The following PTGFR variants were observed in gnomAD, a reference collection of about 807,000 sequenced individuals.
PTGFR encodes prostaglandin F receptor, also known as prostaglandin F2-alpha receptor.
PTGFR carries 15 observed loss-of-function variants against 26.2 expected under a neutral mutation model. The observed-to-expected ratio is 0.57, with a 90% CI of 0.38 to 0.88. PTGFR has a LOEUF of 0.88. Ranked by LOEUF, PTGFR falls within the 40% of genes least tolerant of loss-of-function variation. The probability of loss-of-function intolerance (pLI) is 0.00; values close to 1 mark genes in which losing one functional copy is unlikely to be tolerated. For missense variants in PTGFR, 369 were observed against 427.2 expected, an observed-to-expected ratio of 0.86 and a Z score of 1.20; for synonymous variants, 165 against 151.1, an observed-to-expected ratio of 1.09 and a Z score of -0.68.
At chr1:78,520,147 T>C (rs1425352415) in intron 2 of PTGFR, among the ~76,000 whole-genome samples, 2 of 152,074 alleles carry the variant, frequency 1.3e-5, no homozygotes, top group Non-Finnish European at 2.9e-5. Context: ...TGCGCCATTC[T>C]GAGATAGGGG....
intron 2 of PTGFR, among the ~76,000 whole-genome samples, chr1:78,534,961 C>G (rs1462389953): frequency 6.6e-6 from 1 of 152,166 alleles, no homozygotes; most frequent in Non-Finnish European, 1.5e-5. Flanking sequence ...ATGATTAGTG[C>G]TTCTCCCAAG....
chr1:78,526,792 T>C (rs1288295950), intron 2 of PTGFR, among the ~76,000 whole-genome samples: 2 of 152,102 alleles, frequency 1.3e-5, no homozygotes, highest in East Asian at 3.9e-4. Flanking sequence ...GGCCCAATAG[T>C]GAGTCAAGGA....
At chr1:78,510,301 C>T (rs967264434) in intron 2 of PTGFR, among the ~76,000 whole-genome samples, 4 of 152,174 alleles carry the variant, frequency 2.6e-5, no homozygotes, top group African/African-American at 9.7e-5. Context: ...GCTCATGGTT[C>T]TGCAGGTTGT....
At chr1:78,507,416 A>C (rs190745728) in intron 2 of PTGFR, among the ~76,000 whole-genome samples, 1 of 152,160 alleles carries the variant, frequency 6.6e-6, no homozygotes, top group Non-Finnish European at 1.5e-5. Context: ...TTATTTGGCC[A>C]TACTGGAATG....
chr1:78,529,237 T>C (rs3766338), intron 2 of PTGFR, among the ~76,000 whole-genome samples: 9,245 of 152,240 alleles, frequency 0.061, 634 homozygotes, highest in East Asian at 0.29. Context: ...TAAAACGACG[T>C]TGCCAGTGGT....
chr1:78,529,808 G>A (rs1390154284), intron 2 of PTGFR, among the ~76,000 whole-genome samples: 1 of 152,182 alleles, frequency 6.6e-6, no homozygotes, highest in Non-Finnish European at 1.5e-5. Flanking sequence ...AGTGGCAGGT[G>A]AGCAAACATT....
chr1:78,534,356 G>A (rs1417236596), intron 2 of PTGFR, among the ~76,000 whole-genome samples: 1 of 152,056 alleles, frequency 6.6e-6, no homozygotes, highest in African/African-American at 2.4e-5. Flanking sequence ...TCCTTGTTCT[G>A]ACCCCAGCTC....
chr1:78,514,746 T>G (rs963170917), intron 2 of PTGFR, among the ~76,000 whole-genome samples: 1 of 152,062 alleles, frequency 6.6e-6, no homozygotes, highest in Non-Finnish European at 1.5e-5. Context: ...TGGTGAAAGG[T>G]GATTGAATTA....
At chr1:78,512,732 C>T (rs1011732340) in intron 2 of PTGFR, among the ~76,000 whole-genome samples, 2 of 152,178 alleles carry the variant, frequency 1.3e-5, no homozygotes, top group Non-Finnish European at 2.9e-5. Flanking sequence ...ATGTGATTCT[C>T]AGCATTAGAG....
chr1:78,518,915 C>T (rs1340141169), intron 2 of PTGFR, among the ~76,000 whole-genome samples: 1 of 152,092 alleles, frequency 6.6e-6, no homozygotes, highest in Admixed American at 6.6e-5. Context: ...TAGCTAACCT[C>T]AGTGAATTCT....
At chr1:78,511,044 AG>A (rs1649955750) in intron 2 of PTGFR, among the ~76,000 whole-genome samples, 2 of 152,208 alleles carry the variant, frequency 1.3e-5, no homozygotes, top group Non-Finnish European at 2.9e-5. Flanking sequence ...TTGGCTTTGC[AG>A]GGTGCAGCCA....
intron 2 of PTGFR, among the ~76,000 whole-genome samples, chr1:78,526,080 T>C (rs1263190529): frequency 1.3e-5 from 2 of 152,064 alleles, no homozygotes; most frequent in African/African-American, 4.8e-5. Context: ...ACTTACAGTA[T>C]GCCTTTAAAA....
At chr1:78,520,886 G>A (rs1650205990) in intron 2 of PTGFR, among the ~76,000 whole-genome samples, 1 of 151,968 alleles carries the variant, frequency 6.6e-6, no homozygotes, top group Admixed American at 6.6e-5. Context: ...GTTCCATGAG[G>A]GACTTTTAAC....
At chr1:78,494,560 A>C (rs927982395) in intron 2 of PTGFR, among the ~76,000 whole-genome samples, 1 of 152,204 alleles carries the variant, frequency 6.6e-6, no homozygotes, top group Non-Finnish European at 1.5e-5. Flanking sequence ...CCTAGGCTCC[A>C]AACAGGCTCA....
In PTGFR at chr1:78,505,411, C is replaced by A. The variant is rs547192102; in HGVS notation, c.798+11870C>A. Among the ~76,000 whole-genome samples the A allele has an allele frequency of 2.0e-5, 3 of 152,268 alleles. No homozygotes were observed. In the South Asian group the frequency reaches 6.2e-4, roughly 32 times the overall value. ...GTGCTGGGATTACAGGCATGAGCCACCACGCCTGGCCTATTCTAACTTTTA... is the reference window on the plus strand; with the variant it reads ...GTGCTGGGATTACAGGCATGAGCCAACACGCCTGGCCTATTCTAACTTTTA... On this transcript the variant is annotated intron_variant, in intron 2 of 2. Transcript: ENST00000370757.
intron 2 of PTGFR, among the ~76,000 whole-genome samples, chr1:78,532,848 A>T (rs1650555891): frequency 6.6e-6 from 1 of 152,138 alleles, no homozygotes; most frequent in African/African-American, 2.4e-5. Context: ...AGCAGGGAAA[A>T]GTGAAGGCTG....
Position 78,521,549 on chromosome 1 carries a change from G to A in PTGFR, c.799-14857G>A, listed in dbSNP as rs187340521. On this transcript the variant is annotated intron_variant, in intron 2 of 2. Transcript: ENST00000370757. ...TTCTATAGTTGGTATTGTTAGTATA[G>A]GGAAGTGATTTTGATTTTTCTAAGT... 2.6e-5 allele frequency among the ~76,000 whole-genome samples: 4 copies of A among 152,204 alleles called. No homozygotes were observed. The East Asian group carries it at 7.7e-4, about 29-fold the overall frequency.
intron 2 of PTGFR, among the ~76,000 whole-genome samples, chr1:78,495,204 T>C (rs115642120): frequency 6.6e-6 from 1 of 152,284 alleles, no homozygotes; most frequent in Non-Finnish European, 1.5e-5. Context: ...GACCTGATAA[T>C]TGTCAACTGA....
In PTGFR at chr1:78,493,339, G is replaced by A. The variant is rs1570265735; in HGVS notation, c.596G>A (p.Arg199Lys). ...NTEDIKDWED[R>K]FYLLLFSFLG... The stretch of plus-strand genomic sequence containing the variant: ...GAAGACATCAAAGACTGGGAAGATA[G>A]ATTTTATCTTCTACTTTTTTCTTTT... Residue 199 changes from arginine (R) to lysine (K), a missense_variant, in exon 2 of 3, where the codon AGA becomes AAA. Physicochemically the swap from Arg to Lys is conservative, Grantham distance 26. Transcript: ENST00000370757. 1.2e-6 allele frequency: 2 copies of A among 1,614,118 alleles called. No individual in the cohort carries two copies. The highest frequency in any genetic ancestry group is 8.5e-7 in the Non-Finnish European group (1 of 1,179,988).
Sources: allele counts gnomAD v4.1 joint callset (sites outside exome capture counted in the v4.1 genomes callset), GRCh38; gene constraint gnomAD v4.1.1; transcripts MANE v1.5; gene names NCBI Gene and HGNC (gene_info 2026-07-23, HGNC 2026-07-21).